The following TTBK1 variants were observed in gnomAD, a reference collection of about 807,000 sequenced individuals.
The protein encoded by TTBK1 is tau-tubulin kinase 1.
A neutral mutation model predicts 108.5 loss-of-function variants in TTBK1; 34 were observed. That is an observed-to-expected ratio of 0.31 (90% CI 0.24 to 0.42). TTBK1 has a LOEUF of 0.42. Ranked by LOEUF, TTBK1 falls within the 10% of genes least tolerant of loss-of-function variation. TTBK1 has a pLI of 1.00. For synonymous variants in TTBK1, 809 were observed against 795.1 expected (o/e 1.02, Z -0.29); for missense variants, 1,539 against 1,826.0 (o/e 0.84, Z 2.86).
At chr6:43,251,475 A>G (rs150522607) in intron 2 of TTBK1, among the ~76,000 whole-genome samples, 1 of 152,080 alleles carries the variant, frequency 6.6e-6, no homozygotes, top group Non-Finnish European at 1.5e-5. Flanking sequence ...GATCATGTAC[A>G]TCTTTCTAAA....
intron 8 of TTBK1, 31 bp downstream of exon 8, chr6:43,255,675 CAGA>C: frequency 1.2e-6 from 2 of 1,614,138 alleles, no homozygotes; most frequent in South Asian, 2.2e-5. Context: ...TCTGAGGTGG[CAGA>C]AGGAGTGTCA....
chr6:43,256,009 C>T (rs543657427), intron 9 of TTBK1, among the ~76,000 whole-genome samples, 153 bp downstream of exon 9: 3 of 152,330 alleles, frequency 2.0e-5, no homozygotes, highest in African/African-American at 7.2e-5. Context: ...CATGTATGCT[C>T]TTGTAAACTA....
intron 13 of TTBK1, chr6:43,271,518 A>G (rs1777834436): frequency 1.0e-6 from 1 of 984,514 alleles, no homozygotes; most frequent in African/African-American, 1.8e-5. Flanking sequence ...TCCCAGCTTC[A>G]CTCTTCTACC....
At chr6:43,279,011 A>T (rs1778078094) in intron 13 of TTBK1, among the ~76,000 whole-genome samples, 1 of 152,204 alleles carries the variant, frequency 6.6e-6, no homozygotes, top group African/African-American at 2.4e-5. Flanking sequence ...AGTGGGAGAC[A>T]CTGGAAAGAG....
chr6:43,245,935 C>CA, intron 1 of TTBK1, among the ~76,000 whole-genome samples: 1 of 152,280 alleles, frequency 6.6e-6, no homozygotes, highest in African/African-American at 2.4e-5. Context: ...GTCTTGAGTC[C>CA]ATCACCTGTG....
chr6:43,259,190 C>T lies in TTBK1; in HGVS notation c.1169C>T (p.Pro390Leu). The change falls in exon 11 of 15, where the codon CCC becomes CTC. Residue 390 changes from proline to leucine, a missense_variant. By Grantham distance (98) the Pro-to-Leu change is moderately conservative (BLOSUM62 -3). Transcript: ENST00000259750. This position sits in a 1 kb window ranked among gnomAD's most constrained non-coding sequence, Gnocchi z 6.7. ...EGLGPSPHLV[P>L]HPGGPEAEVW... The stretch of plus-strand genomic sequence containing the variant: ...CTGGGCCCCAGTCCCCACCTTGTCC[C>T]CCACCCCGGGGGTCCTGAGGCTGAA... 6.2e-7 allele frequency: 1 copy of T among 1,608,110 alleles called. No homozygotes were observed. Among genetic ancestry groups the T allele is most frequent in the South Asian group, 1.1e-5 (1 of 90,310 alleles).
Position 43,262,922 on chromosome 6 carries a change from C to A in TTBK1, c.1558C>A (p.Gln520Lys). The change falls in exon 13 of 15, where the codon CAG becomes AAG. Residue 520 changes from glutamine to lysine, a missense_variant. Around this residue, in one of 5 missense-constraint regions of TTBK1, gnomAD observed 277 missense variants for 332.4 expected, o/e 0.83. Transcript: ENST00000259750. ...GRMDVSASVE[Q>K]EALSNAFRSV... is the part of the protein sequence containing the mutation. ...CATGGACGTGTCAGCCTCTGTGGAGCAGGAGGCCCTGAGCAACGCCTTCCG... is the reference window on the plus strand; with the variant it reads ...CATGGACGTGTCAGCCTCTGTGGAGAAGGAGGCCCTGAGCAACGCCTTCCG... The A allele has an allele frequency of 6.2e-7, 1 of 1,614,040 alleles. No homozygotes were observed. Among genetic ancestry groups the A allele is most frequent in the East Asian group, 2.2e-5 (1 of 44,876 alleles).
rs1412215844 is a variant in TTBK1, at chr6:43,257,854, A to G, written c.904A>G (p.Ile302Val). 6.2e-7 allele frequency: 1 copy of G among 1,614,008 alleles called. No individual in the cohort carries two copies. The highest frequency in any genetic ancestry group is 1.7e-5 in the Admixed American group (1 of 59,996). The change falls in exon 10 of 15, where the codon ATT becomes GTT. Residue 302 changes from isoleucine to valine, a missense_variant. Around this residue, in one of 5 missense-constraint regions of TTBK1, gnomAD observed 277 missense variants for 332.4 expected, o/e 0.83. Coordinates refer to ENST00000259750, the MANE Select transcript of TTBK1 (RefSeq NM_032538.3). This position sits in a 1 kb window ranked among gnomAD's most constrained non-coding sequence, Gnocchi z 4.5. ...TGAGAACAGCATGAAGGAGAGGGGC[A>G]TTGCCGAGAATGAGGCCTTTGACTG... ...VFENSMKERG[I>V]AENEAFDWEK...
intron 13 of TTBK1, chr6:43,270,610 C>A (rs1459894285): frequency 2.6e-5 from 26 of 985,296 alleles, no homozygotes; most frequent in Non-Finnish European, 3.1e-5. Context: ...ACACATCTTA[C>A]CCCAGGAAGG....
chr6:43,270,158 C>A, intron 13 of TTBK1: 2 of 1,362,410 alleles, frequency 1.5e-6, no homozygotes, highest in South Asian at 3.8e-5. Flanking sequence ...CCCATCAGCT[C>A]CCTTTGTAGG....
intron 13 of TTBK1, among the ~76,000 whole-genome samples, chr6:43,281,669 T>C (rs994762923): frequency 2.6e-5 from 4 of 152,036 alleles, no homozygotes; most frequent in Non-Finnish European, 4.4e-5. Flanking sequence ...AGGCAGGATA[T>C]CCCCGGGGCT....
At position 43,259,366 on chromosome 6, in the gene TTBK1, C is replaced by T; in HGVS notation, c.1248+97C>T. The T allele has an allele frequency of 7.8e-7, 1 of 1,290,128 alleles. No individual in the cohort carries two copies. The highest frequency in any genetic ancestry group is 1.1e-6 in the Non-Finnish European group (1 of 947,704). The allele number at this position is 1,290,128 out of a possible 1,614,324, so 79.9% of individuals were successfully genotyped here. A position where few individuals can be genotyped will look rare whatever the true frequency, so the allele number is the denominator to read the frequency against. On this transcript the variant is annotated intron_variant, in intron 11 of 14. Transcript: ENST00000259750. The surrounding 1 kb of genome is among the most constrained non-coding windows in gnomAD (Gnocchi z 6.7). ...CCCTGTTCCTCCTAAGCACCCTGTCCCCGGCCATCTGCCTGCTTGCCCTGC... is the reference window on the plus strand; with the variant it reads ...CCCTGTTCCTCCTAAGCACCCTGTCTCCGGCCATCTGCCTGCTTGCCCTGC...
At chr6:43,248,456 C>T (rs1428837959) in intron 2 of TTBK1, among the ~76,000 whole-genome samples, 2 of 152,100 alleles carry the variant, frequency 1.3e-5, no homozygotes, top group South Asian at 2.1e-4. Context: ...GGCATGGTGG[C>T]CCATACCTGT....
chr6:43,252,182 C>CTG (rs58985204), intron 2 of TTBK1, among the ~76,000 whole-genome samples: 28,688 of 139,784 alleles, frequency 0.21, 3,161 homozygotes, highest in Non-Finnish European at 0.27. Context: ...ACATCTGGCT[C>CTG]TGTGTGTGTG....
In TTBK1 at chr6:43,276,299, G is replaced by C. The variant is rs1777996666; in HGVS notation, c.1987-6428G>C. 6.6e-6 allele frequency among the ~76,000 whole-genome samples: 1 copy of C among 152,124 alleles called. No individual in the cohort carries two copies. Among genetic ancestry groups the C allele is most frequent in the Admixed American group, 6.5e-5 (1 of 15,284 alleles). The stretch of plus-strand genomic sequence containing the variant: ...TCACACGCACACACACGCACACGAA[G>C]ATGGGACGCTTTTTTTCTTCCTCTC... On this transcript the variant is annotated intron_variant, in intron 13 of 14. Coordinates refer to ENST00000259750, the MANE Select transcript of TTBK1 (RefSeq NM_032538.3). The surrounding 1 kb of genome is among the most constrained non-coding windows in gnomAD (Gnocchi z 5.4).
chr6:43,257,805 C>T lies in TTBK1; in HGVS notation c.862-7C>T. On this transcript the variant is annotated splice_polypyrimidine_tract_variant and splice_region_variant and intron_variant, in intron 9 of 14. Transcript: ENST00000259750. This position sits in a 1 kb window ranked among gnomAD's most constrained non-coding sequence, Gnocchi z 4.5. ...CTCTGTCCTCCCATCACCCTCACCC[C>T]CTGCAGTTGATCATGTCAGTGTTTG... 6.2e-7 allele frequency: 1 copy of T among 1,612,196 alleles called. No homozygotes were observed. The highest frequency in any genetic ancestry group is 8.5e-7 in the Non-Finnish European group (1 of 1,178,822).
At chr6:43,277,888 G>A (rs1042584353) in intron 13 of TTBK1, among the ~76,000 whole-genome samples, 6 of 152,214 alleles carry the variant, frequency 3.9e-5, no homozygotes, top group African/African-American at 1.4e-4. Context: ...GAGAGGAGGT[G>A]GGAGGCATGC....
chr6:43,251,369 G>C (rs1353468487), intron 2 of TTBK1, among the ~76,000 whole-genome samples: 2 of 152,270 alleles, frequency 1.3e-5, no homozygotes, highest in East Asian at 3.8e-4. Flanking sequence ...AAGGTGCACA[G>C]AGCGGACAGG....
rs190859845 is a variant in TTBK1, at chr6:43,252,667, A to G, written c.109-72A>G. The G allele has an allele frequency of 6.6e-3, 10,276 of 1,560,048 alleles. 49 individuals carry two copies. Among genetic ancestry groups the G allele is most frequent in the Non-Finnish European group, 7.6e-3 (8,701 of 1,147,700 alleles). ...CCCTTCCCCACCAATGAAGGATGCA[A>G]CCAAGCAGCAGGTGGGATGAGGAGC... On this transcript the variant is annotated intron_variant, in intron 2 of 14. Coordinates refer to ENST00000259750, the MANE Select transcript of TTBK1 (RefSeq NM_032538.3).
Sources: allele counts gnomAD v4.1 joint callset (sites outside exome capture counted in the v4.1 genomes callset), GRCh38; gene constraint gnomAD v4.1.1; regional missense constraint gnomAD v4.1.1; non-coding constraint Gnocchi (gnomAD v3.1); transcripts MANE v1.5; gene names NCBI Gene and HGNC (gene_info 2026-07-23, HGNC 2026-07-21).